DYNC2H1: variants seen among roughly 807,000 people sequenced by gnomAD.
DYNC2H1 encodes the protein dynein cytoplasmic 2 heavy chain 1.
Under a neutral mutation model 570.0 loss-of-function variants are expected in DYNC2H1, and 410 were observed. The ratio of observed to expected loss-of-function variants is 0.72; its 90% CI spans 0.66 to 0.78. The LOEUF (loss-of-function observed/expected upper bound fraction) is 0.78, where lower values mean the gene tolerates loss of function less well. Among genes scored for constraint, DYNC2H1 ranks in the 30% least tolerant of loss-of-function variants. The pLI is 0.00. For synonymous variants in DYNC2H1, 1,688 were observed against 1,677.6 expected, an observed-to-expected ratio of 1.01 and a Z score of -0.15; for missense variants, 4,865 against 5,046.4, an observed-to-expected ratio of 0.96 and a Z score of 1.09.
chr11:103,237,250 C>T (rs1050444061), intron 63 of DYNC2H1, among the ~76,000 whole-genome samples: 2 of 151,978 alleles, frequency 1.3e-5, no homozygotes, highest in African/African-American at 4.8e-5. Flanking sequence ...TCCTTTTCCT[C>T]TCAGTAATCC....
chr11:103,426,963 T>G (rs1446646164), intron 84 of DYNC2H1, among the ~76,000 whole-genome samples: 3 of 152,116 alleles, frequency 2.0e-5, no homozygotes, highest in Non-Finnish European at 4.4e-5. Flanking sequence ...AATGTGTTGT[T>G]TCTTGTTACG....
chr11:103,208,610 A>C (rs1863029244), intron 52 of DYNC2H1, among the ~76,000 whole-genome samples: 1 of 152,074 alleles, frequency 6.6e-6, no homozygotes, highest in South Asian at 2.1e-4. Flanking sequence ...AAGGAGGGGA[A>C]GTGTTTAAGT....
In DYNC2H1 at chr11:103,186,882, G is replaced by C. The variant is rs532842495; in HGVS notation, c.6893+381G>C. Among the ~76,000 whole-genome samples, 1 of 151,800 alleles carries C rather than the reference G, an allele frequency of 6.6e-6. No individual in the cohort carries two copies. Among genetic ancestry groups the C allele is most frequent in the Admixed American group, 6.6e-5 (1 of 15,178 alleles). On this transcript the variant is annotated intron_variant, in intron 42 of 88. Transcript: ENST00000375735. The surrounding 1 kb of genome is among the most constrained non-coding windows in gnomAD (Gnocchi z 4.5). ...TTTTAATTCAGTGGAATTCAGCCTA[G>C]TTTTAGTTCATATGGAGCATAGTCT...
Position 103,148,541 on chromosome 11 carries a change from C to A in DYNC2H1, c.2870C>A (p.Thr957Lys). The part of the protein sequence containing the change: ...TFVTEAMEVL[T>K]IMPQSVEEIG... ...GTTACTGAGGCTATGGAAGTCTTAA[C>A]AATTATGCCCCAGTCTGTGGAAGAA... is the stretch of plus-strand genomic sequence containing the variant. Residue 957 changes from threonine (T) to lysine (K), a missense_variant, in exon 20 of 89, where the codon ACA becomes AAA. Around this residue, in one of 5 missense-constraint regions of DYNC2H1, gnomAD observed 1,936 missense variants for 1,962.1 expected, o/e 0.99. Coordinates refer to ENST00000375735, the MANE Select transcript of DYNC2H1 (RefSeq NM_001377.3). The A allele has an allele frequency of 6.4e-7, 1 of 1,565,904 alleles. No individual in the cohort carries two copies. The highest frequency in any genetic ancestry group is 8.7e-7 in the Non-Finnish European group (1 of 1,153,732).
chr11:103,113,127 G>A (rs187796332), intron 1 of DYNC2H1, among the ~76,000 whole-genome samples: 4 of 152,162 alleles, frequency 2.6e-5, no homozygotes, highest in Admixed American at 2.0e-4. Context: ...ATTACATTTT[G>A]TTATAGACTT....
chr11:103,470,559 C>A (rs1455197017), intron 88 of DYNC2H1, among the ~76,000 whole-genome samples: 1 of 152,160 alleles, frequency 6.6e-6, no homozygotes, highest in Non-Finnish European at 1.5e-5. Context: ...TCTCCTAATG[C>A]TATCCCTCCC....
chr11:103,286,125 A>G, intron 73 of DYNC2H1, 130 bp from the exon 74 acceptor site: 1 of 1,237,806 alleles, frequency 8.1e-7, no homozygotes, highest in South Asian at 1.4e-5. Context: ...TAATTAGACA[A>G]GGCAACACAA....
chr11:103,220,606 G>T lies in DYNC2H1; in HGVS notation c.8947-17G>T, dbSNP rs1863548223. On this transcript the variant is annotated splice_polypyrimidine_tract_variant and intron_variant, in intron 56 of 88. Transcript: ENST00000375735. Reference sequence around the variant, plus strand: ...AATATATAATTTGAAGATAAAAATGGCCTTTTTCTCTTTTAGCCTTTAGTC... The same window carrying T: ...AATATATAATTTGAAGATAAAAATGTCCTTTTTCTCTTTTAGCCTTTAGTC... 1.9e-6 allele frequency: 3 copies of T among 1,560,782 alleles called. No individual in the cohort carries two copies. Among genetic ancestry groups the T allele is most frequent in the Admixed American group, 2.0e-5 (1 of 50,824 alleles).
chr11:103,259,282 A>G (rs944820131), intron 69 of DYNC2H1, among the ~76,000 whole-genome samples: 17 of 152,282 alleles, frequency 1.1e-4, no homozygotes, highest in Middle Eastern at 3.4e-3. Context: ...CCCTTCCTCC[A>G]TTTCTATGCC....
chr11:103,406,164 T>G (rs1334334396), intron 84 of DYNC2H1: 1 of 152,018 alleles, frequency 6.6e-6, no homozygotes, highest in East Asian at 1.9e-4. Flanking sequence ...TAAGTGTAAT[T>G]TACTTACTAA....
chr11:103,328,236 C>T (rs763622929), intron 82 of DYNC2H1, among the ~76,000 whole-genome samples: 19 of 152,128 alleles, frequency 1.2e-4, no homozygotes, highest in Admixed American at 9.8e-4. Context: ...TTTTAACTGT[C>T]AGTCTGTTTC....
At chr11:103,273,213 A>C (rs1328988095) in intron 70 of DYNC2H1, among the ~76,000 whole-genome samples, 1 of 139,582 alleles carries the variant, frequency 7.2e-6, no homozygotes, top group Non-Finnish European at 1.5e-5. Flanking sequence ...TTTTTTTGAT[A>C]GAGTCTTGCT....
intron 82 of DYNC2H1, among the ~76,000 whole-genome samples, chr11:103,351,522 G>T (rs1477249519): frequency 6.6e-6 from 1 of 152,108 alleles, no homozygotes; most frequent in African/African-American, 2.4e-5. Flanking sequence ...TGCTAAGTTT[G>T]CTAGGGGTAA....
Position 103,219,956 on chromosome 11 carries a change from C to A in DYNC2H1, c.8874C>A (p.His2958Gln). 6.6e-7 allele frequency: 1 copy of A among 1,509,462 alleles called. No homozygotes were observed. Among genetic ancestry groups the A allele is most frequent in the Non-Finnish European group, 8.8e-7 (1 of 1,137,898 alleles). 93.5% of individuals were successfully genotyped at this position (1,509,462 alleles called of 1,614,324 possible). ...AAACAGAACTTGAAAGACTGAAGCA[C>A]AGAATAGCAGAAGAAGTTGTTAAAA... ...EQKTELERLKHRIAEEVVKIE... is the reference protein window; with the variant it reads ...EQKTELERLKQRIAEEVVKIE... The change falls in exon 56 of 89, where the codon CAC becomes CAA. Residue 2958 changes from histidine to glutamine, a missense_variant. Coordinates refer to ENST00000375735, the MANE Select transcript of DYNC2H1 (RefSeq NM_001377.3).
At chr11:103,149,436 A>T (rs967592360) in intron 20 of DYNC2H1, among the ~76,000 whole-genome samples, 4 of 152,238 alleles carry the variant, frequency 2.6e-5, no homozygotes, top group Non-Finnish European at 2.9e-5. Context: ...AGAAGGAGAA[A>T]TAATTCAAAT....
At chr11:103,339,433 C>T (rs888250379) in intron 82 of DYNC2H1, among the ~76,000 whole-genome samples, 5 of 152,286 alleles carry the variant, frequency 3.3e-5, no homozygotes, top group Admixed American at 2.6e-4. Flanking sequence ...TTGTAGATTC[C>T]CTTCTGGCCC....
Position 103,170,098 on chromosome 11 carries a change from T to G in DYNC2H1, c.4969-10T>G. Reference sequence around the variant, plus strand: ...CATGAATACTCTGACTTTGTGTTGTTCTTGTATAGGGTAATGCTTCCAAAC... The same window carrying G: ...CATGAATACTCTGACTTTGTGTTGTGCTTGTATAGGGTAATGCTTCCAAAC... On this transcript the variant is annotated splice_polypyrimidine_tract_variant and intron_variant, in intron 32 of 88. Coordinates refer to ENST00000375735, the MANE Select transcript of DYNC2H1 (RefSeq NM_001377.3). The surrounding 1 kb of genome is among the most constrained non-coding windows in gnomAD (Gnocchi z 4.8). The G allele has an allele frequency of 6.2e-7, 1 of 1,600,980 alleles. No individual in the cohort carries two copies.
In DYNC2H1 at chr11:103,231,325, AG is replaced by A. The variant is rs758391090; in HGVS notation, c.9421del (p.Val3141TyrfsTer22). 1.2e-6 allele frequency: 2 copies of A among 1,605,624 alleles called. No individual in the cohort carries two copies. Among genetic ancestry groups the A allele is most frequent in the African/African-American group, 2.7e-5 (2 of 74,588 alleles). ...GAGCTTCTTAATTCTGTTGGTCAAA[AG>A]GTATCAGAACTCAAAGAAAAGTAAG... ...LEELLNSVGQ[K>X]VSELKEKFQS... On this transcript the variant is annotated frameshift_variant, in exon 60 of 89. Transcript: ENST00000375735. LOFTEE classifies it high-confidence loss of function.
In DYNC2H1 at chr11:103,276,822, T is replaced by C. The variant is rs190760812; in HGVS notation, c.10696-3526T>C. Among the ~76,000 whole-genome samples the C allele has an allele frequency of 2.0e-4, 30 of 152,216 alleles. No individual in the cohort carries two copies. The East Asian group carries it at 5.8e-3, about 29-fold the overall frequency. On this transcript the variant is annotated intron_variant, in intron 70 of 88. Transcript: ENST00000375735. Reference sequence around the variant, plus strand: ...TTTCAATGACTGTCCTTATTTCTTATTAGGAGCACATACGTGATCCCTTTG... The same window carrying C: ...TTTCAATGACTGTCCTTATTTCTTACTAGGAGCACATACGTGATCCCTTTG...
Sources: gnomAD v4.1 joint callset for allele counts (sites outside exome capture counted in the v4.1 genomes callset) on GRCh38, gnomAD v4.1.1 for gene constraint, gnomAD v4.1.1 regional missense constraint, Gnocchi (gnomAD v3.1) non-coding constraint, MANE v1.5 for transcripts, NCBI Gene and HGNC (gene_info 2026-07-23, HGNC 2026-07-21) for gene names.